The following AKR1E2 variants were observed in gnomAD, a reference collection of about 807,000 sequenced individuals.
AKR1E2 encodes aldo-keto reductase family 1 member E2, also known as 1,5-anhydro-D-fructose reductase.
In AKR1E2, 43 loss-of-function variants were observed where a neutral mutation model predicts 41.9. The observed-to-expected ratio is 1.03, with a 90% CI of 0.80 to 1.32. AKR1E2 has a LOEUF of 1.32. Among genes scored for constraint, AKR1E2 ranks in the 40% most tolerant of loss-of-function variants. The pLI, the probability that AKR1E2 is intolerant of heterozygous loss-of-function variation, is 0.00. For missense variants in AKR1E2, 423 were observed against 396.5 expected (o/e 1.07, Z -0.57); for synonymous variants, 121 against 138.9 (o/e 0.87, Z 0.91).
chr10:4,870,804 T>C, the AKR1E2 span, among the ~76,000 whole-genome samples: 2 of 152,134 alleles, frequency 1.3e-5, no homozygotes, highest in African/African-American at 4.8e-5. Context: ...TCTTACTCTG[T>C]AGGTTTATGT....
At chr10:4,839,865 T>C in intron 6 of AKR1E2, 39 bp downstream of exon 6, 2 of 1,562,408 alleles carry the variant, frequency 1.3e-6, no homozygotes, top group Non-Finnish European at 1.8e-6. Context: ...AGAGTCCGAC[T>C]GGGAAGTAGA....
chr10:4,838,467 A>G (rs1833612050), intron 5 of AKR1E2, among the ~76,000 whole-genome samples: 1 of 152,202 alleles, frequency 6.6e-6, no homozygotes, highest in Non-Finnish European at 1.5e-5. Flanking sequence ...GACAGTTTCC[A>G]GTTTGGGACT....
chr10:4,826,649 C>T (rs1832536758), intron 1 of AKR1E2, among the ~76,000 whole-genome samples: 1 of 152,162 alleles, frequency 6.6e-6, no homozygotes, highest in Non-Finnish European at 1.5e-5. Context: ...CGGCGTTGGG[C>T]GGGGCTGCTC....
rs150361977 is a variant in AKR1E2 at position 4,845,680 on chromosome 10, G to A, written c.838-1468G>A. On this transcript the variant is annotated intron_variant, in intron 8 of 9. Coordinates refer to ENST00000298375, the MANE Select transcript of AKR1E2 (RefSeq NM_001040177.3). ...ATCGCCCCAGTTCTGCCCTTCTGCC[G>A]TCGTGGCTCTCAATGCCCGGGATCC... 3.2e-3 allele frequency: 1,493 copies of A among 468,760 alleles called. 9 individuals carry two copies. Among genetic ancestry groups the A allele is most frequent in the South Asian group, 4.2e-3 (268 of 64,460 alleles). The allele number at this position is 468,760 out of a possible 1,614,324, so 29.0% of individuals were successfully genotyped here.
At chr10:4,829,413 G>A (rs1360375662) in intron 1 of AKR1E2, among the ~76,000 whole-genome samples, 1 of 152,020 alleles carries the variant, frequency 6.6e-6, no homozygotes, top group Non-Finnish European at 1.5e-5. Flanking sequence ...ATTTTGCAAC[G>A]GTATTCATGA....
the AKR1E2 span, among the ~76,000 whole-genome samples, chr10:4,856,407 C>G: frequency 6.3e-4 from 96 of 152,260 alleles, no homozygotes; most frequent in African/African-American, 2.3e-3. Context: ...CTGCTTATGA[C>G]CTGCTCTTTA....
the AKR1E2 span, among the ~76,000 whole-genome samples, chr10:4,862,413 T>A: frequency 6.6e-6 from 1 of 152,188 alleles, no homozygotes; most frequent in Non-Finnish European, 1.5e-5. Flanking sequence ...TGGCAATGCA[T>A]GCTCTTTTTT....
rs186822697 is a variant in AKR1E2 at position 4,845,148 on chromosome 10, C to T, written c.838-2000C>T. 3.4e-3 allele frequency among the ~76,000 whole-genome samples: 516 copies of T among 152,316 alleles called. 2 individuals carry two copies. Among genetic ancestry groups the T allele is most frequent in the African/African-American group, 0.012 (491 of 41,578 alleles). ...GGGGACCTAGCACGCCCTCCTCAGC[C>T]GCTGGCCCGAGTGCTAAGCCCCTCA... On this transcript the variant is annotated intron_variant, in intron 8 of 9. Transcript: ENST00000298375.
chr10:4,834,581 C>A (rs746699691), intron 3 of AKR1E2, among the ~76,000 whole-genome samples: 2 of 152,172 alleles, frequency 1.3e-5, no homozygotes, highest in Non-Finnish European at 2.9e-5. Flanking sequence ...TCATTTAATT[C>A]TCATGACAGT....
chr10:4,862,805 G>A, the AKR1E2 span, among the ~76,000 whole-genome samples: 13 of 152,264 alleles, frequency 8.5e-5, no homozygotes, highest in Non-Finnish European at 1.5e-4. Context: ...AAAGGCAGGG[G>A]TTGCAATCCT....
the AKR1E2 span, among the ~76,000 whole-genome samples, chr10:4,865,335 C>G: frequency 2.0e-5 from 3 of 152,134 alleles, no homozygotes; most frequent in Non-Finnish European, 4.4e-5. Context: ...ACCCTGTACT[C>G]TATATTTATT....
intron 6 of AKR1E2, among the ~76,000 whole-genome samples, chr10:4,841,085 G>A (rs1833833795): frequency 6.6e-6 from 1 of 152,178 alleles, no homozygotes; most frequent in Non-Finnish European, 1.5e-5. Flanking sequence ...CCACAGCTGA[G>A]CTTTGGGGTA....
intron 8 of AKR1E2, chr10:4,845,964 C>A: frequency 2.3e-6 from 1 of 432,658 alleles, no homozygotes; most frequent in South Asian, 1.7e-5. Flanking sequence ...ACAAGACTCA[C>A]CAGGGAGGAG....
At chr10:4,870,075 A>G in the AKR1E2 span, among the ~76,000 whole-genome samples, 3 of 152,066 alleles carry the variant, frequency 2.0e-5, no homozygotes, top group Admixed American at 6.6e-5. Context: ...TGATTAATAC[A>G]TAGCATTTTT....
the AKR1E2 span, among the ~76,000 whole-genome samples, chr10:4,862,934 A>C: frequency 6.6e-6 from 1 of 152,068 alleles, no homozygotes; most frequent in Non-Finnish European, 1.5e-5. Context: ...TATGCACCCA[A>C]TGTAGGGGCA....
rs1265482993 is a variant in AKR1E2 at position 4,835,637 on chromosome 10, G to GTTTTGTTTTC, written c.325-37_325-28dup. 6 of 1,471,662 alleles carry GTTTTGTTTTC rather than the reference G, an allele frequency of 4.1e-6. No homozygotes were observed. In the East Asian group the frequency reaches 1.7e-4, roughly 43 times the overall value. The allele number at this position is 1,471,662 out of a possible 1,614,324, so 91.2% of individuals were successfully genotyped here. A position where few individuals can be genotyped will look rare whatever the true frequency, so the allele number is the denominator to read the frequency against. ...CACATGGTTTTTTTTGTTTTGTTTTGTTTTGTTTTCACACATCTCAACTCT... is the reference window on the plus strand; with the variant it reads ...CACATGGTTTTTTTTGTTTTGTTTTGTTTTGTTTTCTTTTGTTTTCACACATCTCAACTCT... On this transcript the variant is annotated intron_variant, in intron 3 of 9. Transcript: ENST00000298375.
the AKR1E2 span, among the ~76,000 whole-genome samples, chr10:4,858,032 T>C: frequency 6.6e-6 from 1 of 152,192 alleles, no homozygotes; most frequent in Admixed American, 6.5e-5. Context: ...TCTGTTAGAT[T>C]CGGTTTCGTT....
chr10:4,866,186 G>T, the AKR1E2 span, among the ~76,000 whole-genome samples: 3 of 152,120 alleles, frequency 2.0e-5, no homozygotes, highest in African/African-American at 7.2e-5. Context: ...TCCTTCCTGT[G>T]CTCTGAGACA....
chr10:4,846,139 A>ACTACCTC (rs1834318747), intron 8 of AKR1E2: 1 of 291,134 alleles, frequency 3.4e-6, no homozygotes, highest in Non-Finnish European at 6.9e-6. Flanking sequence ...AGCACTCCCC[A>ACTACCTC]CTACCTCCAG....
Sources: gnomAD v4.1 joint callset for allele counts (sites outside exome capture counted in the v4.1 genomes callset) on GRCh38, gnomAD v4.1.1 for gene constraint, MANE v1.5 for transcripts, NCBI Gene and HGNC (gene_info 2026-07-23, HGNC 2026-07-21) for gene names.